Variants in AGMO observed in about 807,000 individuals in gnomAD.
AGMO encodes the protein glyceryl-ether monooxygenase.
Under a neutral mutation model 60.2 loss-of-function variants are expected in AGMO, and 75 were observed. The observed-to-expected ratio is 1.25, with a 90% CI of 1.03 to 1.51. The LOEUF (loss-of-function observed/expected upper bound fraction) is 1.51, where lower values mean the gene tolerates loss of function less well. Among genes scored for constraint, AGMO ranks in the 40% most tolerant of loss-of-function variants. AGMO has a pLI of 0.00. For missense variants in AGMO, 763 were observed against 525.5 expected (o/e 1.45, Z -4.42); for synonymous variants, 261 against 177.1 (o/e 1.47, Z -3.76).
At chr7:15,322,475 AATATAT>A (rs1188696935) in intron 12 of AGMO, among the ~76,000 whole-genome samples, 1 of 65,622 alleles carries the variant, frequency 1.5e-5, no homozygotes, top group Admixed American at 2.6e-4. Context: ...TAAATATATA[AATATAT>A]ATATAAATAT....
intron 12 of AGMO, among the ~76,000 whole-genome samples, chr7:15,306,983 T>A (rs796858268): frequency 1.4e-5 from 2 of 142,962 alleles, no homozygotes; most frequent in African/African-American, 5.2e-5. Flanking sequence ...TGAATTTTAA[T>A]ATAGAAAGTT....
rs1157850829 is a variant in AGMO, at chr7:15,530,980, G to GTATATTCTATATATATTCTA, written c.409+13772_409+13791dup. Reference sequence around the variant, plus strand: ...TATATATTCTATATATATTCTATATGTATATTCTATATATATTCTATATAT... The same window carrying GTATATTCTATATATATTCTA: ...TATATATTCTATATATATTCTATATGTATATTCTATATATATTCTATATATTCTATATATATTCTATATAT... On this transcript the variant is annotated intron_variant, in intron 3 of 12. Coordinates refer to ENST00000342526, the MANE Select transcript of AGMO (RefSeq NM_001004320.2). Among the ~76,000 whole-genome samples the GTATATTCTATATATATTCTA allele has an allele frequency of 2.3e-5, 2 of 85,230 alleles. 1 individual carries two copies. The highest frequency in any genetic ancestry group is 4.4e-5 in the Non-Finnish European group (2 of 45,754). 55.9% of individuals were successfully genotyped at this position (85,230 alleles called of 152,430 possible).
At chr7:15,561,620 A>G in intron 1 of AGMO, 100 bp downstream of exon 1, 1 of 1,134,612 alleles carries the variant, frequency 8.8e-7, no homozygotes, top group Non-Finnish European at 1.2e-6. Flanking sequence ...GAATGTAATC[A>G]TTTGAATAAT....
chr7:15,279,544 G>A (rs1282636559), intron 12 of AGMO, among the ~76,000 whole-genome samples: 1 of 152,060 alleles, frequency 6.6e-6, no homozygotes, highest in Non-Finnish European at 1.5e-5. Flanking sequence ...CAAGGTCGTG[G>A]ATTGGAGGCA....
chr7:15,506,600 G>A (rs1430234423), intron 3 of AGMO, among the ~76,000 whole-genome samples: 1 of 151,910 alleles, frequency 6.6e-6, no homozygotes, highest in Non-Finnish European at 1.5e-5. Context: ...TGTGTAACAA[G>A]AACAAAAATA....
At chr7:15,211,746 T>G (rs980957891) in intron 12 of AGMO, among the ~76,000 whole-genome samples, 2 of 152,082 alleles carry the variant, frequency 1.3e-5, no homozygotes, top group Non-Finnish European at 2.9e-5. Flanking sequence ...TATAAAACTA[T>G]GTCCAAAATA....
intron 12 of AGMO, among the ~76,000 whole-genome samples, chr7:15,261,046 T>G (rs993413700): frequency 5.3e-5 from 8 of 152,008 alleles, no homozygotes; most frequent in African/African-American, 1.9e-4. Flanking sequence ...TAGCATTAAA[T>G]ACCTACATCA....
At chr7:15,326,826 C>A (rs1781352015) in intron 12 of AGMO, among the ~76,000 whole-genome samples, 1 of 151,974 alleles carries the variant, frequency 6.6e-6, no homozygotes, top group African/African-American at 2.4e-5. Flanking sequence ...AAGAAAAAAA[C>A]AAAAACAGAG....
intron 12 of AGMO, among the ~76,000 whole-genome samples, chr7:15,364,442 A>G (rs1033385766): frequency 1.3e-5 from 2 of 151,992 alleles, no homozygotes; most frequent in Non-Finnish European, 2.9e-5. Flanking sequence ...TATTGGTACT[A>G]AAGGGTTTCT....
At chr7:15,352,295 T>G (rs1189141168) in intron 12 of AGMO, among the ~76,000 whole-genome samples, 1 of 152,226 alleles carries the variant, frequency 6.6e-6, no homozygotes, top group East Asian at 1.9e-4. Flanking sequence ...TTTAAAAAAT[T>G]TTTATGACGG....
intron 3 of AGMO, among the ~76,000 whole-genome samples, chr7:15,434,507 T>C (rs1781343660): frequency 6.6e-6 from 1 of 152,122 alleles, no homozygotes. Flanking sequence ...GCTACCTTGT[T>C]ATGAGCTCCC....
At chr7:15,398,184 A>T (rs2128488732) in intron 5 of AGMO, among the ~76,000 whole-genome samples, 1 of 152,234 alleles carries the variant, frequency 6.6e-6, no homozygotes, top group East Asian at 1.9e-4. Flanking sequence ...TGAATTTCTG[A>T]TCCTAGGCCC....
the AGMO span, among the ~76,000 whole-genome samples, chr7:15,139,581 T>C: frequency 6.6e-6 from 1 of 152,054 alleles, no homozygotes; most frequent in Non-Finnish European, 1.5e-5. Flanking sequence ...GTTCTCATCA[T>C]TTAGCTCTCA....
At chr7:15,351,113 TAAG>T (rs1377216281) in intron 12 of AGMO, among the ~76,000 whole-genome samples, 3 of 152,146 alleles carry the variant, frequency 2.0e-5, no homozygotes, top group Non-Finnish European at 2.9e-5. Context: ...GTATAGTTGA[TAAG>T]AAGGTTGAAT....
At chr7:15,555,194 A>G (rs1166593549) in intron 2 of AGMO, among the ~76,000 whole-genome samples, 1 of 151,212 alleles carries the variant, frequency 6.6e-6, no homozygotes, top group Non-Finnish European at 1.5e-5. Flanking sequence ...GCCAGAAAAT[A>G]AATCAATATT....
rs573703501 is a variant in AGMO, at chr7:15,457,018, T to C, written c.410-25910A>G. 2.1e-3 allele frequency among the ~76,000 whole-genome samples: 321 copies of C among 152,300 alleles called. 1 individual carries two copies. The highest frequency in any genetic ancestry group is 7.4e-3 in the African/African-American group (306 of 41,584). ...CATATTTATTGGAAGCCAGTATCCA[T>C]GTTTTTCTATTGTAAACTAGGATAA... On this transcript the variant is annotated intron_variant, in intron 3 of 12. Coordinates refer to ENST00000342526, the MANE Select transcript of AGMO (RefSeq NM_001004320.2).
intron 12 of AGMO, among the ~76,000 whole-genome samples, chr7:15,360,511 A>G (rs1782707859): frequency 6.6e-6 from 1 of 152,216 alleles, no homozygotes; most frequent in South Asian, 2.1e-4. Flanking sequence ...AAATGTTAAG[A>G]AAATAATAAG....
chr7:15,552,017 A>G (rs1429611557), intron 2 of AGMO, among the ~76,000 whole-genome samples: 2 of 152,070 alleles, frequency 1.3e-5, no homozygotes, highest in African/African-American at 4.8e-5. Context: ...ATAATGCCAC[A>G]TATCTGCAAC....
the AGMO span, among the ~76,000 whole-genome samples, chr7:15,152,160 T>C: frequency 2.0e-5 from 3 of 152,158 alleles, no homozygotes; most frequent in Non-Finnish European, 4.4e-5. Flanking sequence ...CTTTGTCCTT[T>C]AGATCATGGT....
Sources: allele counts gnomAD v4.1 joint callset (sites outside exome capture counted in the v4.1 genomes callset), GRCh38; gene constraint gnomAD v4.1.1; transcripts MANE v1.5; gene names NCBI Gene and HGNC (gene_info 2026-07-23, HGNC 2026-07-21).